Variants in RSRC1 observed in about 807,000 individuals in gnomAD.
The protein encoded by RSRC1 is arginine and serine rich coiled-coil 1.
Under a neutral mutation model 49.1 loss-of-function variants are expected in RSRC1, and 39 were observed. The ratio of observed to expected loss-of-function variants is 0.79; its 90% CI spans 0.61 to 1.04. RSRC1 has a LOEUF of 1.04. Ranked by LOEUF, RSRC1 falls within the 50% of genes least tolerant of loss-of-function variation. The probability of loss-of-function intolerance (pLI) is 0.00; values close to 1 mark genes in which losing one functional copy is unlikely to be tolerated. For synonymous variants in RSRC1, 143 were observed against 130.8 expected, an observed-to-expected ratio of 1.09 and a Z score of -0.63; for missense variants, 388 against 402.4, an observed-to-expected ratio of 0.96 and a Z score of 0.31.
chr3:158,466,445 C>T (rs1737894880), intron 7 of RSRC1, among the ~76,000 whole-genome samples: 1 of 152,168 alleles, frequency 6.6e-6, no homozygotes, highest in South Asian at 2.1e-4. Flanking sequence ...CAACTCAAAG[C>T]TACAGGCTTT....
chr3:158,330,466 G>A (rs986676315), intron 5 of RSRC1, among the ~76,000 whole-genome samples: 5 of 152,112 alleles, frequency 3.3e-5, no homozygotes, highest in Admixed American at 2.6e-4. Flanking sequence ...TATTTTAAAT[G>A]TTCTTAATAT....
chr3:158,244,932 C>G (rs1723800146), intron 4 of RSRC1, among the ~76,000 whole-genome samples: 1 of 150,604 alleles, frequency 6.6e-6, no homozygotes. Flanking sequence ...ATAGTATTCT[C>G]TGATGGTTGG....
chr3:158,110,706 C>G (rs890901303), intron 1 of RSRC1: 2 of 152,562 alleles, frequency 1.3e-5, no homozygotes, highest in East Asian at 1.9e-4. Context: ...CCGCCCTACC[C>G]TTTCTGGCTC....
chr3:158,389,429 A>C (rs1170675927), intron 6 of RSRC1, among the ~76,000 whole-genome samples: 1 of 152,208 alleles, frequency 6.6e-6, no homozygotes, highest in East Asian at 1.9e-4. Flanking sequence ...AGATATTGTC[A>C]ACTTTTTCTA....
At chr3:158,370,707 A>T (rs1160415155) in intron 6 of RSRC1, among the ~76,000 whole-genome samples, 1 of 151,892 alleles carries the variant, frequency 6.6e-6, no homozygotes, top group Admixed American at 6.6e-5. Flanking sequence ...TAAAGCTTAT[A>T]TGGATGTTTG....
intron 6 of RSRC1, among the ~76,000 whole-genome samples, chr3:158,367,077 T>C (rs1731808516): frequency 6.6e-6 from 1 of 152,202 alleles, no homozygotes; most frequent in Admixed American, 6.5e-5. Context: ...TATACAATCA[T>C]GTCATCTGCA....
chr3:158,511,807 T>C (rs1740198855), intron 7 of RSRC1, among the ~76,000 whole-genome samples: 1 of 151,852 alleles, frequency 6.6e-6, no homozygotes. Context: ...TTTTTAATGA[T>C]TGCCATTCTA....
chr3:158,123,901 G>C lies in RSRC1; in HGVS notation c.230G>C (p.Gly77Ala). The change falls in exon 3 of 10, where the codon GGC (glycine) becomes GCC (alanine). Residue 77 changes from glycine to alanine, a missense_variant. Gly to Ala is a moderately conservative substitution (Grantham distance 60). Transcript: ENST00000611884. ...RHRSSSSSSY[G>A]SRRKRSRSRS... ...CGATCAAGCAGTAGCTCTTCTTATG[G>C]CTCCAGAAGGAAACGAAGTCGAAGT... 2 of 1,612,108 alleles carry C rather than the reference G, an allele frequency of 1.2e-6. No homozygotes were observed. Among genetic ancestry groups the C allele is most frequent in the Non-Finnish European group, 1.7e-6 (2 of 1,178,754 alleles).
intron 3 of RSRC1, among the ~76,000 whole-genome samples, chr3:158,149,377 T>C (rs986011731): frequency 6.6e-6 from 1 of 152,168 alleles, no homozygotes; most frequent in African/African-American, 2.4e-5. Flanking sequence ...CAAGGGTTGC[T>C]GGCCAGCTGT....
intron 6 of RSRC1, among the ~76,000 whole-genome samples, chr3:158,416,538 T>G (rs954809372): frequency 2.6e-5 from 4 of 151,980 alleles, no homozygotes; most frequent in Non-Finnish European, 4.4e-5. Flanking sequence ...AATCCCCAAC[T>G]GACAGCCAAC....
intron 5 of RSRC1, among the ~76,000 whole-genome samples, chr3:158,311,185 T>C (rs891020420): frequency 6.6e-6 from 1 of 151,934 alleles, no homozygotes; most frequent in Admixed American, 6.6e-5. Context: ...AGAATTAGAA[T>C]ACTTTATGCT....
At chr3:158,328,759 A>G (rs1009044059) in intron 5 of RSRC1, among the ~76,000 whole-genome samples, 7 of 152,016 alleles carry the variant, frequency 4.6e-5, no homozygotes, top group African/African-American at 1.5e-4. Context: ...CGCTCTCTGT[A>G]TTTCCTGAAT....
chr3:158,512,699 CTTGGGCAGTATGGCCAT>C (rs1459431612), intron 7 of RSRC1, among the ~76,000 whole-genome samples: 1 of 149,780 alleles, frequency 6.7e-6, no homozygotes. Context: ...TGTAAATTAC[CTTGGGCAGTATGGCCAT>C]TTTCACGATA....
chr3:158,253,793 TC>T (rs1222942377), intron 4 of RSRC1, among the ~76,000 whole-genome samples: 3 of 152,140 alleles, frequency 2.0e-5, no homozygotes, highest in Non-Finnish European at 4.4e-5. Flanking sequence ...TACTTTAAGT[TC>T]CAGGGTACTT....
chr3:158,254,213 C>T (rs1408754010), intron 4 of RSRC1, among the ~76,000 whole-genome samples: 1 of 152,094 alleles, frequency 6.6e-6, no homozygotes, highest in Non-Finnish European at 1.5e-5. Context: ...GTGAATAGTG[C>T]CAGAATAAAC....
chr3:158,179,497 G>A lies in RSRC1; in HGVS notation c.321-23575G>A, dbSNP rs1719455339. Among the ~76,000 whole-genome samples, 3 of 152,222 alleles carry A rather than the reference G, an allele frequency of 2.0e-5. No homozygotes were observed. In the South Asian group the frequency reaches 6.2e-4, roughly 32 times the overall value. ...AACGTTTTTTAAATGGAATTGTATA[G>A]TATGTAACCTTTGAGATTGGCTTTT... On this transcript the variant is annotated intron_variant, in intron 3 of 9. Coordinates refer to ENST00000611884, the MANE Select transcript of RSRC1 (RefSeq NM_001271838.2).
At chr3:158,254,675 A>AC (rs1329446298) in intron 4 of RSRC1, among the ~76,000 whole-genome samples, 1 of 151,724 alleles carries the variant, frequency 6.6e-6, no homozygotes, top group East Asian at 1.9e-4. Flanking sequence ...CTCATGATCC[A>AC]CCCACCTCGG....
chr3:158,401,442 G>A (rs1188326109), intron 6 of RSRC1, among the ~76,000 whole-genome samples: 6 of 151,918 alleles, frequency 3.9e-5, no homozygotes, highest in African/African-American at 1.4e-4. Flanking sequence ...TATAGATTGC[G>A]ATAGGACGGA....
At chr3:158,366,607 TTAGGATTGTC>T (rs558202908) in intron 6 of RSRC1, among the ~76,000 whole-genome samples, 185 of 152,360 alleles carry the variant, frequency 1.2e-3, no homozygotes, top group African/African-American at 4.2e-3. Context: ...TTCTTTTTGC[TTAGGATTGTC>T]TTGGCTATAT....
Sources: allele counts gnomAD v4.1 joint callset (sites outside exome capture counted in the v4.1 genomes callset), GRCh38; gene constraint gnomAD v4.1.1; transcripts MANE v1.5; gene names NCBI Gene and HGNC (gene_info 2026-07-23, HGNC 2026-07-21).